RYR3: variants seen among roughly 807,000 people sequenced by gnomAD.
RYR3 encodes the protein brain ryanodine receptor-calcium release channel.
In RYR3, 207 loss-of-function variants were observed where a neutral mutation model predicts 584.3. The ratio of observed to expected loss-of-function variants is 0.35; its 90% confidence interval spans 0.32 to 0.40. The LOEUF (loss-of-function observed/expected upper bound fraction) is 0.40, where lower values mean the gene tolerates loss of function less well. Among genes scored for constraint, RYR3 ranks in the 10% least tolerant of loss-of-function variants. The pLI is 1.00. For missense variants in RYR3, 5,616 were observed against 6,089.2 expected (o/e 0.92, Z 2.59); for synonymous variants, 2,416 against 2,248.5 (o/e 1.07, Z -2.11).
chr15:33,413,500 C>G (rs2043558219), intron 1 of RYR3, among the ~76,000 whole-genome samples: 1 of 152,192 alleles, frequency 6.6e-6, no homozygotes, highest in Admixed American at 6.5e-5. Context: ...GCTTTCTTAG[C>G]AGGTCAAGGA....
intron 1 of RYR3, among the ~76,000 whole-genome samples, chr15:33,330,561 G>A (rs1187513566): frequency 1.3e-5 from 2 of 152,092 alleles, no homozygotes; most frequent in Non-Finnish European, 2.9e-5. Context: ...GTTCCTTCAC[G>A]TCGTGATTCT....
At chr15:33,522,371 A>AC (rs1440737158) in intron 3 of RYR3, among the ~76,000 whole-genome samples, 1 of 152,256 alleles carries the variant, frequency 6.6e-6, no homozygotes. Context: ...TCTGTGAAGG[A>AC]CCTGTACTGC....
At position 33,603,158 on chromosome 15, in the gene RYR3, G is replaced by T; in HGVS notation, c.1958G>T (p.Gly653Val). 6.2e-7 allele frequency: 1 copy of T among 1,613,884 alleles called. No homozygotes were observed. Among genetic ancestry groups the T allele is most frequent in the South Asian group, 1.1e-5 (1 of 91,080 alleles). ...RPNIFLGVAE[G>V]SAQYKKWYFE... ...AACATCTTCCTGGGAGTCGCGGAGG[G>T]CTCAGCCCAGTACAAGAAGTGGTAC... Residue 653 changes from glycine (G) to valine (V), a missense_variant, in exon 18 of 104, where the codon GGC becomes GTC. This residue lies in a region of RYR3 where 1,284 missense variants were observed against 1,344.6 expected (regional missense o/e 0.95). Transcript: ENST00000634891.
chr15:33,809,004 T>C (rs990324600), intron 70 of RYR3, among the ~76,000 whole-genome samples: 7 of 152,202 alleles, frequency 4.6e-5, no homozygotes, highest in Non-Finnish European at 8.8e-5. Context: ...CCACCTGAAA[T>C]TGCAGCCGCC....
intron 1 of RYR3, among the ~76,000 whole-genome samples, chr15:33,460,337 C>T (rs2047912573): frequency 6.6e-6 from 1 of 152,220 alleles, no homozygotes; most frequent in African/African-American, 2.4e-5. Flanking sequence ...AAACTAGTAT[C>T]ACTAAGTGGG....
At chr15:33,410,516 A>G (rs1429823762) in intron 1 of RYR3, among the ~76,000 whole-genome samples, 2 of 152,268 alleles carry the variant, frequency 1.3e-5, no homozygotes, top group Non-Finnish European at 2.9e-5. Context: ...AATAGATTTG[A>G]GAAGAGAATT....
intron 67 of RYR3, among the ~76,000 whole-genome samples, chr15:33,794,788 T>C (rs2075493287): frequency 6.6e-6 from 1 of 152,164 alleles, no homozygotes; most frequent in Non-Finnish European, 1.5e-5. Context: ...CCTCTCTTCA[T>C]CCAAAAAATT....
At position 33,854,916 on chromosome 15, in the gene RYR3, T is replaced by G. The variant is rs201894323; in HGVS notation, c.14007+4T>G. 9 of 1,607,402 alleles carry G rather than the reference T, an allele frequency of 5.6e-6. No homozygotes were observed. Among genetic ancestry groups the G allele is most frequent in the Non-Finnish European group, 1.7e-6 (2 of 1,177,310 alleles). On this transcript the variant is annotated splice_donor_region_variant and intron_variant, in intron 98 of 103. Transcript: ENST00000634891. ...TGTAACTCACAATGGCAAACAGGTATGGTTTCTACTGATGCAGAACAGAAT... is the reference window on the plus strand; with the variant it reads ...TGTAACTCACAATGGCAAACAGGTAGGGTTTCTACTGATGCAGAACAGAAT...
At chr15:33,669,188 G>C (rs528341323) in intron 36 of RYR3, among the ~76,000 whole-genome samples, 166 bp from the exon 37 acceptor site, 23 of 148,530 alleles carry the variant, frequency 1.5e-4, no homozygotes, top group Non-Finnish European at 2.5e-4. Context: ...TTAGAATCAG[G>C]AAAAGGTGAA....
At chr15:33,472,947 C>T (rs1055123484) in intron 1 of RYR3, among the ~76,000 whole-genome samples, 1 of 152,120 alleles carries the variant, frequency 6.6e-6, no homozygotes, top group Non-Finnish European at 1.5e-5. Flanking sequence ...CTTCCTCCAA[C>T]AAAACATACT....
At chr15:33,668,151 C>CG (rs1555400855) in intron 36 of RYR3, among the ~76,000 whole-genome samples, 1 of 131,740 alleles carries the variant, frequency 7.6e-6, no homozygotes, top group Non-Finnish European at 1.6e-5. Context: ...ACTGAAAATA[C>CG]AAAAAAAAAA....
At chr15:33,772,745 G>A (rs993698381) in intron 63 of RYR3, among the ~76,000 whole-genome samples, 1 of 152,184 alleles carries the variant, frequency 6.6e-6, no homozygotes, top group Non-Finnish European at 1.5e-5. Flanking sequence ...TTGACCAGTT[G>A]TTGATAGCTA....
At chr15:33,661,824 C>G (rs2063183279) in intron 34 of RYR3, among the ~76,000 whole-genome samples, 1 of 152,160 alleles carries the variant, frequency 6.6e-6, no homozygotes, top group African/African-American at 2.4e-5. Flanking sequence ...TCTGCTTGAT[C>G]CTACAAGTAA....
intron 94 of RYR3, chr15:33,849,325 CAGG>C (rs1395270222): frequency 6.6e-6 from 1 of 152,212 alleles, no homozygotes; most frequent in African/African-American, 2.4e-5. Flanking sequence ...GATTGACAGG[CAGG>C]TGACACCAAG....
rs897706444 is a variant in RYR3, at chr15:33,731,539, G to A, written c.7269G>A (p.Pro2423=). Residue 2423 remains proline (P), a synonymous_variant, in exon 48 of 104, where the codon CCG becomes CCA. Transcript: ENST00000634891. The part of the protein sequence containing the change: ...LNRYICSAVL[P]LLTRCAPLFA... ...GGTATATATGTTCTGCTGTGCTCCC[G>A]CTCCTCACAAGATGTGCCCCTCTCT... is the stretch of plus-strand genomic sequence containing the variant. 1.8e-5 allele frequency: 29 copies of A among 1,613,558 alleles called. No individual in the cohort carries two copies. The highest frequency in any genetic ancestry group is 4.5e-5 in the East Asian group (2 of 44,864).
In RYR3 at chr15:33,581,495, C is replaced by T. The variant is rs1375342819; in HGVS notation, c.1438-13C>T. On this transcript the variant is annotated splice_polypyrimidine_tract_variant and intron_variant, in intron 13 of 103. Transcript: ENST00000634891. Reference sequence around the variant, plus strand: ...TCAGCAATGTTTACATTTTCCTCCACTCTCCTTCTCAGGGAATGTTGGCCC... The same window carrying T: ...TCAGCAATGTTTACATTTTCCTCCATTCTCCTTCTCAGGGAATGTTGGCCC... The T allele has an allele frequency of 1.9e-6, 3 of 1,612,184 alleles. No individual in the cohort carries two copies. The African/African-American group carries it at 4.0e-5, about 22-fold the overall frequency.
At chr15:33,723,450 G>C (rs950548859) in intron 44 of RYR3, among the ~76,000 whole-genome samples, 1 of 152,228 alleles carries the variant, frequency 6.6e-6, no homozygotes, top group Non-Finnish European at 1.5e-5. Flanking sequence ...TTGGTAGATT[G>C]TCTGATTGTC....
chr15:33,497,544 T>C (rs1399736499), intron 2 of RYR3, among the ~76,000 whole-genome samples: 1 of 152,306 alleles, frequency 6.6e-6, no homozygotes, highest in Non-Finnish European at 1.5e-5. Context: ...ACCTCCTAAT[T>C]TATCTCTCTG....
intron 31 of RYR3, among the ~76,000 whole-genome samples, chr15:33,649,831 C>T (rs902336749): frequency 1.3e-5 from 2 of 152,246 alleles, no homozygotes; most frequent in Non-Finnish European, 2.9e-5. Flanking sequence ...GCCAGATGTG[C>T]TCCAGAGGTG....
Sources: allele counts gnomAD v4.1 joint callset (sites outside exome capture counted in the v4.1 genomes callset), GRCh38; gene constraint gnomAD v4.1.1; regional missense constraint gnomAD v4.1.1; transcripts MANE v1.5; gene names NCBI Gene and HGNC (gene_info 2026-07-23, HGNC 2026-07-21).